The following SLC25A27 variants were observed in gnomAD, a reference collection of about 807,000 sequenced individuals.
SLC25A27 encodes the protein mitochondrial uncoupling protein 4.
In SLC25A27, 35 loss-of-function variants were observed where a neutral mutation model predicts 49.1. That is an observed-to-expected ratio of 0.71 (90% CI 0.54 to 0.95). SLC25A27 has a LOEUF of 0.95. Among genes scored for constraint, SLC25A27 ranks in the 40% least tolerant of loss-of-function variants. The pLI is 0.00. For synonymous variants in SLC25A27, 144 were observed against 136.9 expected, an observed-to-expected ratio of 1.05 and a Z score of -0.36; for missense variants, 339 against 397.1, an observed-to-expected ratio of 0.85 and a Z score of 1.24.
chr6:46,669,803 T>C (rs1013860325), intron 6 of SLC25A27, among the ~76,000 whole-genome samples: 4 of 152,164 alleles, frequency 2.6e-5, no homozygotes, highest in Non-Finnish European at 5.9e-5. Context: ...GTTTTTTTCA[T>C]AGCTTTTGTC....
At position 46,678,030 on chromosome 6, in the gene SLC25A27, T is replaced by TTTTATATATATATATATATATA. The variant is rs1763860534; in HGVS notation, c.*1577_*1578insTTATATATATATATATATATAT. On this transcript the variant is annotated 3_prime_UTR_variant, in exon 9 of 9. Coordinates refer to ENST00000371347, the MANE Select transcript of SLC25A27 (RefSeq NM_004277.5). The stretch of plus-strand genomic sequence containing the variant: ...CAATATGTAATTGCGTTGTAAAATA[T>TTTTATATATATATATATATATA]TATATATATATATATATATATATAT... 2.0e-5 allele frequency: 2 copies of TTTTATATATATATATATATATA among 100,664 alleles called. No individual in the cohort carries two copies. Among genetic ancestry groups the TTTTATATATATATATATATATA allele is most frequent in the African/African-American group, 7.9e-5 (2 of 25,280 alleles). The allele number at this position is 100,664 out of a possible 1,614,324, so 6.2% of individuals were successfully genotyped here.
chr6:46,654,263 T>A (rs1426017782), intron 1 of SLC25A27: 2 of 299,948 alleles, frequency 6.7e-6, no homozygotes, highest in Non-Finnish European at 9.8e-6. Context: ...TTTGTAAATG[T>A]TAGTTGGTCC....
intron 5 of SLC25A27, among the ~76,000 whole-genome samples, chr6:46,667,137 T>C (rs1763352456): frequency 6.6e-6 from 1 of 152,188 alleles, no homozygotes; most frequent in African/African-American, 2.4e-5. Context: ...TTTAAAACTG[T>C]CTTCATTTTC....
chr6:46,660,559 G>C (rs1429960234), intron 3 of SLC25A27, among the ~76,000 whole-genome samples: 4 of 152,078 alleles, frequency 2.6e-5, no homozygotes, highest in Non-Finnish European at 5.9e-5. Context: ...GTTGATGATA[G>C]AAAATTATTT....
intron 5 of SLC25A27, among the ~76,000 whole-genome samples, chr6:46,667,847 C>G (rs1438060035): frequency 6.6e-6 from 1 of 152,196 alleles, no homozygotes; most frequent in African/African-American, 2.4e-5. Context: ...ACTTTATTGT[C>G]TCATCCCACA....
At chr6:46,654,100 C>A (rs1466521219) in intron 1 of SLC25A27, 2 of 984,768 alleles carry the variant, frequency 2.0e-6, no homozygotes, top group African/African-American at 1.7e-5. Context: ...AATGATGATG[C>A]CCTTGAATGA....
At chr6:46,674,224 G>GTA (rs1322186212) in intron 8 of SLC25A27, among the ~76,000 whole-genome samples, 47 of 152,214 alleles carry the variant, frequency 3.1e-4, no homozygotes, top group African/African-American at 1.1e-3. Flanking sequence ...TACGTGCAAA[G>GTA]CTCTACATAC....
At position 46,670,216 on chromosome 6, in the gene SLC25A27, T is replaced by C; in HGVS notation, c.786T>C (p.Asp262=). Residue 262 remains aspartate, a synonymous_variant, in exon 7 of 9, where the codon GAT becomes GAC. Transcript: ENST00000371347. ...GCAGAATAATGAATCAACCACGAGA[T>C]AAACAAGGAAGGTAGATAAAAAGTC... ...IKSRIMNQPR[D]KQGRGLLYKS... 1 of 1,611,344 alleles carries C rather than the reference T, an allele frequency of 6.2e-7. No individual in the cohort carries two copies. The highest frequency in any genetic ancestry group is 8.5e-7 in the Non-Finnish European group (1 of 1,178,308).
chr6:46,653,305 G>A lies in SLC25A27; in HGVS notation c.106+7G>A. On this transcript the variant is annotated splice_region_variant and intron_variant, in intron 1 of 8. Transcript: ENST00000371347. ...GCTACCGTGGCCGAGCTAGGTACCCGGCTGCCCACGCCTGGGCCTCCCGGG... is the reference window on the plus strand; with the variant it reads ...GCTACCGTGGCCGAGCTAGGTACCCAGCTGCCCACGCCTGGGCCTCCCGGG... 1.9e-6 allele frequency: 3 copies of A among 1,609,414 alleles called. No individual in the cohort carries two copies. Among genetic ancestry groups the A allele is most frequent in the South Asian group, 2.2e-5 (2 of 90,360 alleles).
In SLC25A27 at chr6:46,658,831, G is replaced by A. The variant is rs758846811; in HGVS notation, c.299-131G>A. On this transcript the variant is annotated intron_variant, in intron 2 of 8. Transcript: ENST00000371347. ...AAGAAGCCCACGTGTTAGAAGCACCGGCCCCATGAGACAAAGACACAGCTA... is the reference window on the plus strand; with the variant it reads ...AAGAAGCCCACGTGTTAGAAGCACCAGCCCCATGAGACAAAGACACAGCTA... 3.3e-5 allele frequency: 24 copies of A among 730,394 alleles called. 1 individual carries two copies. The highest frequency in any genetic ancestry group is 1.1e-4 in the South Asian group (7 of 63,836). 45.2% of individuals were successfully genotyped at this position (730,394 alleles called of 1,614,324 possible).
At chr6:46,675,602 G>C (rs1763747060) in intron 8 of SLC25A27, among the ~76,000 whole-genome samples, 1 of 152,102 alleles carries the variant, frequency 6.6e-6, no homozygotes, top group South Asian at 2.1e-4. Flanking sequence ...TAGAATGATA[G>C]AGCTACTCTC....
In SLC25A27 at chr6:46,660,258, A is replaced by C. The variant is rs546028163; in HGVS notation, c.383+1212A>C. 2.6e-4 allele frequency among the ~76,000 whole-genome samples: 6 copies of C among 23,280 alleles called. No homozygotes were observed. In the East Asian group the frequency reaches 7.9e-3, roughly 31 times the overall value. The allele number at this position is 23,280 out of a possible 152,430, so 15.3% of individuals were successfully genotyped here. On this transcript the variant is annotated intron_variant, in intron 3 of 8. Coordinates refer to ENST00000371347, the MANE Select transcript of SLC25A27 (RefSeq NM_004277.5). Reference sequence around the variant, plus strand: ...TGTGTGTGTGTGTGTGTGTGTATAGAGAGAGAGAGAGAAAGCACAATAGAA... The same window carrying C: ...TGTGTGTGTGTGTGTGTGTGTATAGCGAGAGAGAGAGAAAGCACAATAGAA...
chr6:46,653,525 T>A, intron 1 of SLC25A27: 1 of 985,486 alleles, frequency 1.0e-6, no homozygotes, highest in Non-Finnish European at 1.2e-6. Flanking sequence ...CTTAGGCATG[T>A]GCTGTGGTGC....
At chr6:46,666,011 C>G (rs977431901) in intron 5 of SLC25A27, among the ~76,000 whole-genome samples, 6 of 152,126 alleles carry the variant, frequency 3.9e-5, no homozygotes, top group Non-Finnish European at 5.9e-5. Context: ...TTCATTGATT[C>G]TCTTGCAAAG....
At chr6:46,671,892 GA>G (rs1165326759) in intron 8 of SLC25A27, among the ~76,000 whole-genome samples, 6 of 151,602 alleles carry the variant, frequency 4.0e-5, no homozygotes, top group Non-Finnish European at 1.5e-5. Flanking sequence ...ACATTTGAAA[GA>G]ATAGGTGAGT....
chr6:46,674,202 A>G (rs562051569), intron 8 of SLC25A27, among the ~76,000 whole-genome samples: 1 of 152,186 alleles, frequency 6.6e-6, no homozygotes, highest in East Asian at 1.9e-4. Context: ...TAAGGAAAAA[A>G]AGAGTACTTA....
At position 46,676,560 on chromosome 6, in the gene SLC25A27, A is replaced by G. The variant is rs374196055; in HGVS notation, c.*106A>G. ...TTTCTACCTCTTTAGGAAGACACCT[A>G]TTCCACAGAGACTGATTTATAGGGG... On this transcript the variant is annotated 3_prime_UTR_variant, in exon 9 of 9. Coordinates refer to ENST00000371347, the MANE Select transcript of SLC25A27 (RefSeq NM_004277.5). 2.8e-5 allele frequency: 44 copies of G among 1,597,908 alleles called. No individual in the cohort carries two copies. In the South Asian group the frequency reaches 4.5e-4, roughly 16 times the overall value.
intron 8 of SLC25A27, among the ~76,000 whole-genome samples, chr6:46,675,420 A>C (rs1763737898): frequency 6.6e-6 from 1 of 152,174 alleles, no homozygotes; most frequent in Non-Finnish European, 1.5e-5. Context: ...CATCTATGTC[A>C]TCATACCTTT....
intron 4 of SLC25A27, among the ~76,000 whole-genome samples, 178 bp from the exon 5 acceptor site, chr6:46,664,593 GATT>G (rs1033029264): frequency 2.0e-5 from 3 of 152,044 alleles, no homozygotes; most frequent in African/African-American, 4.8e-5. Flanking sequence ...TTTTCTAAAG[GATT>G]ATTATGTTTA....
Sources: allele counts gnomAD v4.1 joint callset (sites outside exome capture counted in the v4.1 genomes callset), GRCh38; gene constraint gnomAD v4.1.1; transcripts MANE v1.5; gene names NCBI Gene and HGNC (gene_info 2026-07-23, HGNC 2026-07-21).